The following GPHN variants were observed in gnomAD, a reference collection of about 807,000 sequenced individuals.
GPHN encodes gephyrin.
A neutral mutation model predicts 95.5 loss-of-function variants in GPHN; 17 were observed. The ratio of observed to expected loss-of-function variants is 0.18; its 90% confidence interval spans 0.12 to 0.27. The LOEUF is 0.27. Ranked by LOEUF, GPHN falls within the 10% of genes least tolerant of loss-of-function variation. The pLI is 1.00. For missense variants in GPHN, 660 were observed against 978.1 expected (o/e 0.67, Z 4.34); for synonymous variants, 320 against 322.5 (o/e 0.99, Z 0.08).
chr14:67,493,162 A>T, the GPHN span, among the ~76,000 whole-genome samples: 1 of 152,224 alleles, frequency 6.6e-6, no homozygotes, highest in African/African-American at 2.4e-5. Context: ...GCAAGGCCAG[A>T]GTAGCTGGTG....
the GPHN span, among the ~76,000 whole-genome samples, chr14:67,622,437 T>A: frequency 1.3e-5 from 2 of 152,204 alleles, no homozygotes; most frequent in African/African-American, 4.8e-5. Flanking sequence ...TATGGTGACA[T>A]GGATTCAATA....
At chr14:67,018,210 G>T (rs2073416785) in intron 9 of GPHN, among the ~76,000 whole-genome samples, 1 of 151,968 alleles carries the variant, frequency 6.6e-6, no homozygotes, top group African/African-American at 2.4e-5. Flanking sequence ...TTGTAGTGTT[G>T]GTTGCACAGC....
At chr14:66,774,811 C>G (rs911692762) in intron 2 of GPHN, among the ~76,000 whole-genome samples, 1 of 152,064 alleles carries the variant, frequency 6.6e-6, no homozygotes, top group South Asian at 2.1e-4. Context: ...ACTATTTTTT[C>G]TCTGTTAAAA....
the GPHN span, chr14:67,199,228 A>G: frequency 6.2e-7 from 1 of 1,604,876 alleles, no homozygotes; most frequent in African/African-American, 1.3e-5. Flanking sequence ...CACCAAGGCT[A>G]TGACTTTGTG....
chr14:66,901,846 G>T (rs1433891279), intron 5 of GPHN, among the ~76,000 whole-genome samples: 1 of 151,914 alleles, frequency 6.6e-6, no homozygotes, highest in Admixed American at 6.6e-5. Context: ...GCTCAAGATT[G>T]CTTTGGATAT....
chr14:67,150,464 A>AAAAAAAAAAAACAAAACAAAACAAAAC (rs2081208848), intron 18 of GPHN, among the ~76,000 whole-genome samples: 1 of 136,098 alleles, frequency 7.3e-6, no homozygotes, highest in African/African-American at 2.6e-5. Context: ...AAAAAAAAAA[A>AAAAAAAAAAAACAAAACAAAACAAAAC]AAAAAAAAAC....
Position 66,940,960 on chromosome 14 carries a change from G to T in GPHN, c.828+16668G>T, listed in dbSNP as rs7146760. The stretch of plus-strand genomic sequence containing the variant: ...CTAAGATTTGGGTGCATGGTGCTTG[G>T]CTTTGGTTAGCTCCCTTGGTCTTAC... On this transcript the variant is annotated intron_variant, in intron 8 of 22. Transcript: ENST00000478722. Among the ~76,000 whole-genome samples, 901 of 152,262 alleles carry T rather than the reference G, an allele frequency of 5.9e-3. 9 individuals are homozygous for T. Among genetic ancestry groups the T allele is most frequent in the African/African-American group, 0.021 (879 of 41,552 alleles).
intron 2 of GPHN, among the ~76,000 whole-genome samples, chr14:66,692,537 C>G (rs1449606462): frequency 1.3e-5 from 2 of 152,156 alleles, no homozygotes; most frequent in African/African-American, 4.8e-5. Context: ...CTAAATTATC[C>G]TGGCTCCTCT....
At chr14:67,300,476 C>T in the GPHN span, among the ~76,000 whole-genome samples, 8 of 151,988 alleles carry the variant, frequency 5.3e-5, no homozygotes, top group Non-Finnish European at 1.0e-4. Context: ...TACAGGCACA[C>T]GCCACCACGC....
chr14:66,552,782 A>G (rs775852788), intron 1 of GPHN, among the ~76,000 whole-genome samples: 1 of 152,116 alleles, frequency 6.6e-6, no homozygotes, highest in Non-Finnish European at 1.5e-5. Context: ...GAGGCTGGGA[A>G]TAATTCTTAT....
At chr14:67,246,658 T>TG in the GPHN span, among the ~76,000 whole-genome samples, 10 of 148,378 alleles carry the variant, frequency 6.7e-5, no homozygotes, top group South Asian at 2.0e-3. Flanking sequence ...GGTTTTTTTT[T>TG]TTTTTTTTTT....
chr14:66,920,297 G>A (rs2066145980), intron 6 of GPHN, among the ~76,000 whole-genome samples: 1 of 152,018 alleles, frequency 6.6e-6, no homozygotes, highest in African/African-American at 2.4e-5. Context: ...TTTCTCTTGG[G>A]GAGGAGGGGA....
intron 1 of GPHN, among the ~76,000 whole-genome samples, chr14:66,594,197 C>G (rs1484327835): frequency 1.3e-5 from 2 of 152,058 alleles, no homozygotes; most frequent in Admixed American, 6.6e-5. Context: ...ATCCCATGTT[C>G]ATGAATTGAA....
the GPHN span, among the ~76,000 whole-genome samples, chr14:67,256,797 GACACACACACAC>G: frequency 2.7e-5 from 4 of 147,786 alleles, no homozygotes; most frequent in East Asian, 5.9e-4. Flanking sequence ...AGAAACTATT[GACACACACACAC>G]ACACACACAC....
At chr14:67,203,717 C>T in the GPHN span, among the ~76,000 whole-genome samples, 8 of 152,102 alleles carry the variant, frequency 5.3e-5, no homozygotes, top group South Asian at 4.2e-4. Flanking sequence ...GACATTCTGA[C>T]GTGTTTTGTT....
At chr14:67,312,342 C>T in the GPHN span, among the ~76,000 whole-genome samples, 1 of 152,088 alleles carries the variant, frequency 6.6e-6, no homozygotes, top group Non-Finnish European at 1.5e-5. Context: ...CTTTGGGAGG[C>T]TGAGGGAGAA....
At chr14:66,723,074 A>T (rs8010920) in intron 2 of GPHN, among the ~76,000 whole-genome samples, 1 of 151,598 alleles carries the variant, frequency 6.6e-6, no homozygotes, top group African/African-American at 2.4e-5. Context: ...TGTGTGTGTG[A>T]CAGGGTCTCA....
At chr14:67,115,566 G>A (rs557487225) in intron 16 of GPHN, among the ~76,000 whole-genome samples, 10 of 151,998 alleles carry the variant, frequency 6.6e-5, no homozygotes, top group African/African-American at 2.4e-4. Flanking sequence ...AACCCTGTCT[G>A]TACTAAAAAT....
At chr14:67,280,963 CT>C in the GPHN span, among the ~76,000 whole-genome samples, 256 of 149,918 alleles carry the variant, frequency 1.7e-3, no homozygotes, top group African/African-American at 5.8e-3. Context: ...GTGGTGCAAT[CT>C]TCGGCTCACA....
Sources: allele counts gnomAD v4.1 joint callset (sites outside exome capture counted in the v4.1 genomes callset), GRCh38; gene constraint gnomAD v4.1.1; transcripts MANE v1.5; gene names NCBI Gene and HGNC (gene_info 2026-07-23, HGNC 2026-07-21).